The following BIRC6 variants were observed in gnomAD, a reference collection of about 807,000 sequenced individuals.
BIRC6 encodes baculoviral IAP repeat containing 6, also known as dual E2 ubiquitin-conjugating enzyme/E3 ubiquitin-protein ligase BIRC6.
A neutral mutation model predicts 503.3 loss-of-function variants in BIRC6; 98 were observed. The ratio of observed to expected loss-of-function variants is 0.19; its 90% CI spans 0.17 to 0.23. The LOEUF (loss-of-function observed/expected upper bound fraction) is 0.23, where lower values mean the gene tolerates loss of function less well. Ranked by LOEUF, BIRC6 falls within the 10% of genes least tolerant of loss-of-function variation. The pLI, the probability that BIRC6 is intolerant of heterozygous loss-of-function variation, is 1.00. For synonymous variants in BIRC6, 2,240 were observed against 2,078.7 expected (o/e 1.08, Z -2.11); for missense variants, 5,360 against 5,806.0 (o/e 0.92, Z 2.50).
rs929534924 is a variant in BIRC6 at position 32,401,566 on chromosome 2, T to C, written c.1361T>C (p.Leu454Ser). 3 of 1,614,036 alleles carry C rather than the reference T, an allele frequency of 1.9e-6. 1 individual carries two copies. Among genetic ancestry groups the C allele is most frequent in the Admixed American group, 1.7e-5 (1 of 60,018 alleles). ...GGAGTTGATTCAAGGAGACCAACTT[T>C]GGCGTGGCTGGAGGACTCCTCTAGT... ...SSGVDSRRPT[L>S]AWLEDSSSCS... The change falls in exon 8 of 74, where the codon TTG (leucine) becomes TCG (serine). Residue 454 changes from leucine to serine, a missense_variant. Physicochemically the swap from Leu to Ser is moderately radical, Grantham distance 145. This residue lies in a region of BIRC6 where 700 missense variants were observed against 739.3 expected (regional missense o/e 0.95). Coordinates refer to ENST00000421745, the MANE Select transcript of BIRC6 (RefSeq NM_016252.4).
intron 45 of BIRC6, among the ~76,000 whole-genome samples, chr2:32,497,096 T>C (rs530321564): frequency 6.6e-6 from 1 of 152,396 alleles, no homozygotes; most frequent in South Asian, 2.1e-4. Context: ...TGAATGTCTC[T>C]GGATTTTGTT....
intron 27 of BIRC6, 69 bp from the exon 28 acceptor site, chr2:32,467,834 T>C: frequency 2.1e-6 from 3 of 1,449,488 alleles, no homozygotes; most frequent in Non-Finnish European, 2.8e-6. Flanking sequence ...ACTATCTTTT[T>C]AAATACATTG....
chr2:32,490,207 A>G (rs1358557083), intron 43 of BIRC6, 56 bp downstream of exon 43: 2 of 1,396,118 alleles, frequency 1.4e-6, no homozygotes, highest in African/African-American at 1.4e-5. Context: ...GTGTTCTACT[A>G]TTGGATTCTT....
intron 63 of BIRC6, among the ~76,000 whole-genome samples, chr2:32,546,377 C>G (rs552052572): frequency 2.6e-5 from 4 of 151,886 alleles, no homozygotes; most frequent in African/African-American, 9.7e-5. Context: ...GTCAGGAGTT[C>G]GAGACTAGCC....
At chr2:32,489,656 G>C (rs2051451417) in intron 42 of BIRC6, among the ~76,000 whole-genome samples, 1 of 151,930 alleles carries the variant, frequency 6.6e-6, no homozygotes, top group African/African-American at 2.4e-5. Flanking sequence ...AAATTAGCCG[G>C]CTGTGTTGAC....
At chr2:32,444,033 T>C (rs2045707655) in intron 20 of BIRC6, among the ~76,000 whole-genome samples, 1 of 141,512 alleles carries the variant, frequency 7.1e-6, no homozygotes, top group Admixed American at 7.1e-5. Flanking sequence ...GACCAGTGGT[T>C]TTTTTTTTTT....
chr2:32,361,831 A>G (rs2034139917), intron 1 of BIRC6, among the ~76,000 whole-genome samples: 1 of 152,060 alleles, frequency 6.6e-6, no homozygotes, highest in East Asian at 1.9e-4. Context: ...ATCTATATGC[A>G]TTTACAGTTC....
chr2:32,516,502 C>T (rs186162927), intron 55 of BIRC6, among the ~76,000 whole-genome samples: 124 of 135,308 alleles, frequency 9.2e-4, no homozygotes, highest in African/African-American at 3.4e-3. Flanking sequence ...GGCGACAAAG[C>T]GAGACTCTGT....
chr2:32,384,008 T>TG (rs2038078473), intron 3 of BIRC6, among the ~76,000 whole-genome samples: 1 of 152,216 alleles, frequency 6.6e-6, no homozygotes, highest in Non-Finnish European at 1.5e-5. Context: ...AGAACTTCTT[T>TG]GACTATTTAT....
intron 66 of BIRC6, among the ~76,000 whole-genome samples, chr2:32,583,058 G>A (rs1361537624): frequency 6.6e-6 from 1 of 152,160 alleles, no homozygotes; most frequent in Non-Finnish European, 1.5e-5. Flanking sequence ...TTTGGTGCAT[G>A]ATAATTACAG....
chr2:32,424,815 T>A (rs2043310299), intron 10 of BIRC6, among the ~76,000 whole-genome samples: 1 of 152,148 alleles, frequency 6.6e-6, no homozygotes, highest in African/African-American at 2.4e-5. Context: ...GTCTGGCCTA[T>A]GTTTAACCTT....
In BIRC6 at chr2:32,516,765, T is replaced by G. The variant is rs191067020; in HGVS notation, c.11349+995T>G. 8.6e-3 allele frequency among the ~76,000 whole-genome samples: 1,313 copies of G among 152,194 alleles called. 9 individuals are homozygous for G. The highest frequency in any genetic ancestry group is 0.02 in the Middle Eastern group (6 of 294). ...TAATTCTAGTTGGCTTTTTGCCAAA[T>G]TTTGCTTTTGGTTACCTCACGTGAC... On this transcript the variant is annotated intron_variant, in intron 55 of 73. Transcript: ENST00000421745.
At chr2:32,567,115 C>T (rs551717594) in intron 65 of BIRC6, among the ~76,000 whole-genome samples, 26 of 152,276 alleles carry the variant, frequency 1.7e-4, no homozygotes, top group East Asian at 5.8e-4. Context: ...GGATTACAGG[C>T]GCACACCACC....
At position 32,477,569 on chromosome 2, in the gene BIRC6, T is replaced by C. The variant is rs750604056; in HGVS notation, c.7054T>C (p.Leu2352=). 2.5e-6 allele frequency: 4 copies of C among 1,613,434 alleles called. No individual in the cohort carries two copies. The highest frequency in any genetic ancestry group is 1.7e-5 in the Admixed American group (1 of 59,960). Reference sequence around the variant, plus strand: ...CTTTACATGTCATGCAGATCTCTTATTGTTTGTTTGTAAGGTATGTAAACT... The same window carrying C: ...CTTTACATGTCATGCAGATCTCTTACTGTTTGTTTGTAAGGTATGTAAACT... ...MDFTCHADLL[L]FVCKVLARIA... The change falls in exon 35 of 74, where the codon TTG becomes CTG. Residue 2352 remains leucine (L), a synonymous_variant. Transcript: ENST00000421745.
chr2:32,596,196 T>G (rs1432038364), intron 68 of BIRC6, among the ~76,000 whole-genome samples: 1 of 152,088 alleles, frequency 6.6e-6, no homozygotes, highest in Non-Finnish European at 1.5e-5. Context: ...TTTAAAAAAC[T>G]GACCTGGCCG....
chr2:32,371,278 A>C (rs1223669550), intron 1 of BIRC6, among the ~76,000 whole-genome samples: 1 of 150,790 alleles, frequency 6.6e-6, no homozygotes, highest in Non-Finnish European at 1.5e-5. Flanking sequence ...ACCTTATAGG[A>C]TGTTAGACAG....
At position 32,387,653 on chromosome 2, in the gene BIRC6, C is replaced by T. The variant is rs115071326; in HGVS notation, c.646-1097C>T. Among the ~76,000 whole-genome samples the T allele has an allele frequency of 5.5e-3, 837 of 152,028 alleles. 9 individuals are homozygous for T. Among genetic ancestry groups the T allele is most frequent in the African/African-American group, 0.019 (781 of 41,344 alleles). Reference sequence around the variant, plus strand: ...AGTTGCTATTGCTGGATTATGGTGACAACAGCAACAAAAACAATGCATCTG... The same window carrying T: ...AGTTGCTATTGCTGGATTATGGTGATAACAGCAACAAAAACAATGCATCTG... On this transcript the variant is annotated intron_variant, in intron 3 of 73. Coordinates refer to ENST00000421745, the MANE Select transcript of BIRC6 (RefSeq NM_016252.4).
intron 5 of BIRC6, among the ~76,000 whole-genome samples, chr2:32,393,852 C>T (rs1302415455): frequency 2.0e-5 from 3 of 151,916 alleles, no homozygotes; most frequent in South Asian, 2.1e-4. Flanking sequence ...TTTTGAAGTA[C>T]GTTAAAGTAA....
intron 65 of BIRC6, chr2:32,563,321 G>C (rs2059325370): frequency 6.6e-6 from 1 of 152,018 alleles, no homozygotes; most frequent in Admixed American, 6.6e-5. Context: ...ATGTAGACAG[G>C]GAAATCATTC....
Sources: allele counts gnomAD v4.1 joint callset (sites outside exome capture counted in the v4.1 genomes callset), GRCh38; gene constraint gnomAD v4.1.1; regional missense constraint gnomAD v4.1.1; transcripts MANE v1.5; gene names NCBI Gene and HGNC (gene_info 2026-07-23, HGNC 2026-07-21).